OSBPL10: variants seen among roughly 807,000 people sequenced by gnomAD.
OSBPL10 encodes oxysterol-binding protein-related protein 10.
OSBPL10 carries 49 observed loss-of-function variants against 81.7 expected under a neutral mutation model. That is an observed-to-expected ratio of 0.60 (90% CI 0.48 to 0.76). The LOEUF (loss-of-function observed/expected upper bound fraction) is 0.76. Among genes scored for constraint, OSBPL10 ranks in the 30% least tolerant of loss-of-function variants. The pLI is 0.00. For synonymous variants in OSBPL10, 419 were observed against 383.6 expected (o/e 1.09, Z -1.08); for missense variants, 923 against 987.8 (o/e 0.93, Z 0.88).
At chr3:31,796,993 A>ATTTTTTTTTT (rs71097443) in intron 4 of OSBPL10, among the ~76,000 whole-genome samples, 3 of 123,610 alleles carry the variant, frequency 2.4e-5, no homozygotes, top group Admixed American at 9.2e-5. Context: ...ATTTTTATTA[A>ATTTTTTTTTT]TTTTTTTTTT....
chr3:31,879,476 TA>T, intron 2 of OSBPL10, 178 bp downstream of exon 2: 1 of 608,880 alleles, frequency 1.6e-6, no homozygotes, highest in Non-Finnish European at 2.8e-6. Context: ...AAGTAATTCC[TA>T]ATGTCAGCTC....
At chr3:31,665,793 G>T (rs564905628) in intron 10 of OSBPL10, among the ~76,000 whole-genome samples, 6 of 152,288 alleles carry the variant, frequency 3.9e-5, no homozygotes, top group East Asian at 3.9e-4. Context: ...CACACCTTAC[G>T]CTGAGGGTGG....
chr3:31,690,558 T>C (rs1292134084), intron 7 of OSBPL10, among the ~76,000 whole-genome samples: 1 of 152,194 alleles, frequency 6.6e-6, no homozygotes, highest in Non-Finnish European at 1.5e-5. Context: ...ATGCAATACC[T>C]GAGAATAATA....
chr3:31,992,389 C>T (rs1699043625), intron 2 of OSBPL10, among the ~76,000 whole-genome samples: 1 of 152,054 alleles, frequency 6.6e-6, no homozygotes, highest in Admixed American at 6.5e-5. Context: ...ACCGTTCTGG[C>T]AGTCAGAAGC....
At chr3:31,929,386 A>G (rs529284788) in intron 1 of OSBPL10, among the ~76,000 whole-genome samples, 1 of 152,366 alleles carries the variant, frequency 6.6e-6, no homozygotes, top group South Asian at 2.1e-4. Context: ...TGTGGCTTTA[A>G]TACAGACAAA....
chr3:31,930,971 C>T (rs532964524), intron 1 of OSBPL10, among the ~76,000 whole-genome samples: 2 of 146,156 alleles, frequency 1.4e-5, no homozygotes, highest in South Asian at 4.4e-4. Context: ...CCGAGATCCC[C>T]CCCACTGCAC....
At chr3:31,889,592 C>G (rs570681044) in intron 1 of OSBPL10, among the ~76,000 whole-genome samples, 1 of 148,928 alleles carries the variant, frequency 6.7e-6, no homozygotes, top group African/African-American at 2.5e-5. Context: ...TGTATGGAAA[C>G]TTAAAAAAAA....
intron 4 of OSBPL10, among the ~76,000 whole-genome samples, chr3:31,829,515 C>T (rs945655300): frequency 2.6e-5 from 4 of 152,258 alleles, no homozygotes; most frequent in African/African-American, 7.2e-5. Context: ...AACTGAGGTT[C>T]GGGGCTGTCA....
chr3:31,939,524 G>A (rs535868361), intron 1 of OSBPL10, among the ~76,000 whole-genome samples: 1 of 150,854 alleles, frequency 6.6e-6, no homozygotes, highest in African/African-American at 2.4e-5. Flanking sequence ...CTTCTTCACA[G>A]TCAAGCTTCT....
intron 2 of OSBPL10, 75 bp from the exon 3 acceptor site, chr3:31,876,587 A>T: frequency 2.4e-6 from 3 of 1,269,992 alleles, no homozygotes; most frequent in Non-Finnish European, 3.4e-6. Context: ...TTCTACACCC[A>T]CCTAAGGGGG....
intron 4 of OSBPL10, among the ~76,000 whole-genome samples, chr3:31,753,463 G>C (rs1379120737): frequency 6.6e-6 from 1 of 152,122 alleles, no homozygotes; most frequent in African/African-American, 2.4e-5. Flanking sequence ...GGGATTACAA[G>C]TGTTACCCAC....
At chr3:31,910,179 C>T (rs1421522627) in intron 1 of OSBPL10, among the ~76,000 whole-genome samples, 1 of 150,288 alleles carries the variant, frequency 6.7e-6, no homozygotes, top group East Asian at 2.1e-4. Context: ...CAGGGTTTCA[C>T]CATGTTGGCC....
chr3:32,027,137 A>G (rs549225644), intron 2 of OSBPL10, among the ~76,000 whole-genome samples: 3 of 152,154 alleles, frequency 2.0e-5, no homozygotes, highest in Admixed American at 6.5e-5. Flanking sequence ...CCATCAACCC[A>G]TCATCTACAT....
chr3:31,872,645 A>G (rs1701360369), intron 3 of OSBPL10, among the ~76,000 whole-genome samples: 1 of 142,862 alleles, frequency 7.0e-6, no homozygotes, highest in Non-Finnish European at 1.5e-5. Flanking sequence ...TTTTTGAGAC[A>G]TGATCTCACT....
At chr3:31,974,074 A>G (rs1698633932) in intron 1 of OSBPL10, among the ~76,000 whole-genome samples, 2 of 152,190 alleles carry the variant, frequency 1.3e-5, no homozygotes, top group Non-Finnish European at 2.9e-5. Flanking sequence ...ATATATAAAC[A>G]TCTCGTAAAA....
intron 2 of OSBPL10, among the ~76,000 whole-genome samples, chr3:32,013,620 C>T (rs557139348): frequency 1.3e-5 from 2 of 152,212 alleles, no homozygotes; most frequent in South Asian, 4.2e-4. Flanking sequence ...GAGATAGAGA[C>T]ACAAAAAACC....
At chr3:31,765,600 T>G (rs550467310) in intron 4 of OSBPL10, among the ~76,000 whole-genome samples, 9 of 152,302 alleles carry the variant, frequency 5.9e-5, no homozygotes, top group Non-Finnish European at 1.2e-4. Flanking sequence ...GTAAGAAGAT[T>G]GGTCTCAATG....
chr3:31,809,858 G>A (rs1372710914), intron 4 of OSBPL10, among the ~76,000 whole-genome samples: 3 of 135,204 alleles, frequency 2.2e-5, no homozygotes, highest in South Asian at 4.5e-4. Flanking sequence ...GTCAATGGGT[G>A]CCCCCTGACT....
At chr3:31,696,512 G>T (rs1336483088) in intron 7 of OSBPL10, among the ~76,000 whole-genome samples, 1 of 152,150 alleles carries the variant, frequency 6.6e-6, no homozygotes, top group Non-Finnish European at 1.5e-5. Context: ...CCATTTGCAG[G>T]CCCCAGCTTT....
Sources: allele counts gnomAD v4.1 joint callset (sites outside exome capture counted in the v4.1 genomes callset), GRCh38; gene constraint gnomAD v4.1.1; transcripts MANE v1.5; gene names NCBI Gene and HGNC (gene_info 2026-07-23, HGNC 2026-07-21).